PARD3B: variants seen among roughly 807,000 people sequenced by gnomAD.
The protein encoded by PARD3B is partitioning defective 3 homolog B.
A neutral mutation model predicts 130.2 loss-of-function variants in PARD3B; 103 were observed. The observed-to-expected ratio is 0.79, with a 90% CI of 0.67 to 0.93. The LOEUF is 0.93. Ranked by LOEUF, PARD3B falls within the 40% of genes least tolerant of loss-of-function variation. PARD3B has a pLI of 0.00. For missense variants in PARD3B, 1,609 were observed against 1,499.2 expected (o/e 1.07, Z -1.21); for synonymous variants, 583 against 553.2 (o/e 1.05, Z -0.76).
At chr2:205,087,144 A>C (rs1307730548) in intron 4 of PARD3B, among the ~76,000 whole-genome samples, 2 of 152,322 alleles carry the variant, frequency 1.3e-5, no homozygotes, top group Non-Finnish European at 2.9e-5. Flanking sequence ...TACAAACAAA[A>C]GACAGGCGTC....
At chr2:205,507,597 A>T (rs1027663595) in intron 21 of PARD3B, among the ~76,000 whole-genome samples, 2 of 152,098 alleles carry the variant, frequency 1.3e-5, no homozygotes, top group Non-Finnish European at 1.5e-5. Flanking sequence ...GACTCCATAA[A>T]TAAGGATAGG....
At chr2:204,565,931 CAT>C (rs1345699114) in intron 1 of PARD3B, among the ~76,000 whole-genome samples, 17 of 152,328 alleles carry the variant, frequency 1.1e-4, no homozygotes, top group Admixed American at 5.9e-4. Context: ...ATGTCAAAAA[CAT>C]GTGAAATCAA....
chr2:205,300,251 G>A lies in PARD3B; in HGVS notation c.2186-279G>A, dbSNP rs972038461. On this transcript the variant is annotated intron_variant, in intron 16 of 22. Coordinates refer to ENST00000406610, the MANE Select transcript of PARD3B (RefSeq NM_001302769.2). This position sits in a 1 kb window ranked among gnomAD's most constrained non-coding sequence, Gnocchi z 4.1. ...CAAATTCATAGGTGTGTGTGTATAT[G>A]CCTATAGACACACATGCATATACAC... 6.6e-6 allele frequency among the ~76,000 whole-genome samples: 1 copy of A among 152,102 alleles called. No homozygotes were observed. The highest frequency in any genetic ancestry group is 1.5e-5 in the Non-Finnish European group (1 of 68,026).
chr2:204,690,245 G>T (rs1054825411), intron 2 of PARD3B, among the ~76,000 whole-genome samples: 1 of 152,104 alleles, frequency 6.6e-6, no homozygotes, highest in South Asian at 2.1e-4. Context: ...AAACAAGTTT[G>T]TATTACAGTA....
chr2:204,611,058 G>C (rs1245603555), intron 1 of PARD3B, among the ~76,000 whole-genome samples: 1 of 152,014 alleles, frequency 6.6e-6, no homozygotes, highest in African/African-American at 2.4e-5. Context: ...TCTATATCCA[G>C]GTCAGTGAGA....
chr2:204,698,382 A>G (rs996849416), intron 2 of PARD3B, among the ~76,000 whole-genome samples: 3 of 152,146 alleles, frequency 2.0e-5, no homozygotes, highest in African/African-American at 7.2e-5. Context: ...TGAATTGTCA[A>G]TGAAAGAATT....
rs559839181 is a variant in PARD3B, at chr2:205,378,635, C to CTT, written c.2631-22364_2631-22363dup. Among the ~76,000 whole-genome samples, 393 of 137,100 alleles carry CTT rather than the reference C, an allele frequency of 2.9e-3. 3 individuals carry two copies. Among genetic ancestry groups the CTT allele is most frequent in the African/African-American group, 9.1e-3 (334 of 36,648 alleles). 89.9% of individuals were successfully genotyped at this position (137,100 alleles called of 152,430 possible). A position where few individuals can be genotyped will look rare whatever the true frequency, so the allele number is the denominator to read the frequency against. ...CAGAAAAGAGACATGATTTTTTTTT[C>CTT]TTTTTTTTTTTTTTTGAGACAGAGT... On this transcript the variant is annotated intron_variant, in intron 18 of 22. Transcript: ENST00000406610.
chr2:205,166,297 A>G (rs974965549), intron 11 of PARD3B, among the ~76,000 whole-genome samples: 2 of 152,176 alleles, frequency 1.3e-5, no homozygotes, highest in South Asian at 2.1e-4. Flanking sequence ...GGAGAAAACT[A>G]TGAAAGGAAG....
At chr2:204,612,972 A>G (rs889245962) in intron 1 of PARD3B, among the ~76,000 whole-genome samples, 2 of 152,034 alleles carry the variant, frequency 1.3e-5, no homozygotes, top group South Asian at 4.2e-4. Flanking sequence ...TGTTGGTGAG[A>G]TCAGTATTCA....
intron 15 of PARD3B, among the ~76,000 whole-genome samples, chr2:205,232,484 A>G (rs1260251923): frequency 2.0e-5 from 3 of 152,190 alleles, no homozygotes; most frequent in Admixed American, 1.3e-4. Context: ...AGGAATATAT[A>G]TGACACAAAA....
At position 205,257,724 on chromosome 2, in the gene PARD3B, A is replaced by G. The variant is rs548555612; in HGVS notation, c.2185+11902A>G. Among the ~76,000 whole-genome samples, 55 of 152,352 alleles carry G rather than the reference A, an allele frequency of 3.6e-4. 1 individual carries two copies. Among genetic ancestry groups the G allele is most frequent in the South Asian group, 3.3e-3 (16 of 4,826 alleles). On this transcript the variant is annotated intron_variant, in intron 16 of 22. Coordinates refer to ENST00000406610, the MANE Select transcript of PARD3B (RefSeq NM_001302769.2). ...ATTTTTAAGGAAATAAGAATATAAA[A>G]TGCTATATGAAAATGGCAGAATATT...
At position 205,309,809 on chromosome 2, in the gene PARD3B, G is replaced by A. The variant is rs1230246726; in HGVS notation, c.2630+8108G>A. ...TAAGTATAATAACACATCCTGTCCA[G>A]GTTGTTGTAAAATTTAAGTTAAACG... On this transcript the variant is annotated intron_variant, in intron 18 of 22. Coordinates refer to ENST00000406610, the MANE Select transcript of PARD3B (RefSeq NM_001302769.2). This position sits in a 1 kb window ranked among gnomAD's most constrained non-coding sequence, Gnocchi z 4.7. Among the ~76,000 whole-genome samples the A allele has an allele frequency of 6.6e-6, 1 of 152,110 alleles. No individual in the cohort carries two copies. The highest frequency in any genetic ancestry group is 1.5e-5 in the Non-Finnish European group (1 of 68,038).
chr2:205,221,182 G>T (rs933978355), intron 15 of PARD3B, among the ~76,000 whole-genome samples: 3 of 152,182 alleles, frequency 2.0e-5, no homozygotes, highest in African/African-American at 7.2e-5. Context: ...CAAGGTGAGA[G>T]CTGGAGGTAG....
intron 21 of PARD3B, among the ~76,000 whole-genome samples, chr2:205,501,621 A>G (rs898434611): frequency 6.6e-5 from 10 of 152,218 alleles, no homozygotes; most frequent in Admixed American, 4.6e-4. Flanking sequence ...TGTCCAGCGC[A>G]TTGAAAAGTG....
At chr2:204,639,708 G>GTGT (rs1237014891) in intron 1 of PARD3B, among the ~76,000 whole-genome samples, 5 of 152,164 alleles carry the variant, frequency 3.3e-5, no homozygotes, top group Non-Finnish European at 7.4e-5. Context: ...AGTATCTGTG[G>GTGT]ATTTTAGTGT....
rs2047694395 is a variant in PARD3B at position 205,440,973 on chromosome 2, C to T, written c.3044+301C>T. Among the ~76,000 whole-genome samples the T allele has an allele frequency of 1.3e-5, 2 of 152,256 alleles. No homozygotes were observed. Among genetic ancestry groups the T allele is most frequent in the Non-Finnish European group, 2.9e-5 (2 of 68,026 alleles). On this transcript the variant is annotated intron_variant, in intron 20 of 22. Coordinates refer to ENST00000406610, the MANE Select transcript of PARD3B (RefSeq NM_001302769.2). The surrounding 1 kb of genome is among the most constrained non-coding windows in gnomAD (Gnocchi z 4.2). The stretch of plus-strand genomic sequence containing the variant: ...GAAGAAAACTTTGAACGAATATTGT[C>T]CTTTCTCCTAAGAGACCAATTGTAA...
intron 2 of PARD3B, among the ~76,000 whole-genome samples, chr2:204,878,932 G>A (rs1489331129): frequency 6.6e-6 from 1 of 151,632 alleles, no homozygotes; most frequent in Non-Finnish European, 1.5e-5. Context: ...TTACAAGATT[G>A]ACAATTTTTT....
rs1012068760 is a variant in PARD3B, at chr2:204,654,091, C to G, written c.121-32090C>G. ...CGTCTTATTGTGTGGTCCTCTTTAT[C>G]TGTGTCTCAGCAAGGAGGTGATGTG... On this transcript the variant is annotated intron_variant, in intron 1 of 22. Transcript: ENST00000406610. Among the ~76,000 whole-genome samples the G allele has an allele frequency of 6.6e-5, 10 of 151,292 alleles. 1 individual carries two copies. In the East Asian group the frequency reaches 1.4e-3, roughly 20 times the overall value.
At chr2:205,420,234 C>A (rs73985017) in intron 19 of PARD3B, among the ~76,000 whole-genome samples, 476 of 152,292 alleles carry the variant, frequency 3.1e-3, no homozygotes, top group African/African-American at 0.011. Flanking sequence ...TATCTCTGTT[C>A]TCTGCTCTCT....
Sources: gnomAD v4.1 joint callset for allele counts (sites outside exome capture counted in the v4.1 genomes callset) on GRCh38, gnomAD v4.1.1 for gene constraint, Gnocchi (gnomAD v3.1) non-coding constraint, MANE v1.5 for transcripts, NCBI Gene and HGNC (gene_info 2026-07-23, HGNC 2026-07-21) for gene names.